Variants in GABRB3 observed in about 807,000 individuals in gnomAD.
The protein encoded by GABRB3 is gamma-aminobutyric acid type A receptor subunit beta3.
GABRB3 carries 14 observed loss-of-function variants against 52.1 expected under a neutral mutation model. That is an observed-to-expected ratio of 0.27 (90% CI 0.18 to 0.42). The LOEUF is 0.42. Ranked by LOEUF, GABRB3 falls within the 10% of genes least tolerant of loss-of-function variation. The pLI, the probability that GABRB3 is intolerant of heterozygous loss-of-function variation, is 1.00. For synonymous variants in GABRB3, 260 were observed against 232.3 expected (o/e 1.12, Z -1.08); for missense variants, 307 against 609.1 (o/e 0.50, Z 5.22).
At chr15:26,581,372 T>C (rs1890781931) in intron 5 of GABRB3, among the ~76,000 whole-genome samples, 1 of 152,114 alleles carries the variant, frequency 6.6e-6, no homozygotes, top group African/African-American at 2.4e-5. Context: ...AGCTGTAGGG[T>C]GGGGAAGAGT....
At chr15:26,653,720 T>C (rs1887273323) in intron 3 of GABRB3, among the ~76,000 whole-genome samples, 1 of 152,334 alleles carries the variant, frequency 6.6e-6, no homozygotes, top group East Asian at 1.9e-4. Context: ...TCAGATCTTT[T>C]TCACCGTCAT....
intron 3 of GABRB3, among the ~76,000 whole-genome samples, chr15:26,735,382 T>C (rs1042714187): frequency 1.4e-4 from 21 of 152,216 alleles, no homozygotes; most frequent in Admixed American, 6.5e-4. Flanking sequence ...GCAGTTCCAC[T>C]TCTGGATAAA....
At chr15:26,577,467 C>T (rs921669594) in intron 6 of GABRB3, among the ~76,000 whole-genome samples, 3 of 152,100 alleles carry the variant, frequency 2.0e-5, no homozygotes, top group Admixed American at 6.5e-5. Context: ...GAGAGGAAAT[C>T]GTGCCACTGC....
chr15:26,586,405 C>CACACACACACAA (rs1167670651), intron 4 of GABRB3, among the ~76,000 whole-genome samples: 1 of 149,586 alleles, frequency 6.7e-6, no homozygotes, highest in Non-Finnish European at 1.5e-5. Context: ...CTAACACACA[C>CACACACACACAA]ACACACACAC....
intron 3 of GABRB3, among the ~76,000 whole-genome samples, chr15:26,638,945 C>T (rs1893125317): frequency 6.6e-6 from 1 of 152,172 alleles, no homozygotes; most frequent in African/African-American, 2.4e-5. Context: ...GGTGCAAGAA[C>T]ACAGTCTTCC....
At chr15:26,597,624 G>A (rs1891442158) in intron 4 of GABRB3, among the ~76,000 whole-genome samples, 1 of 152,178 alleles carries the variant, frequency 6.6e-6, no homozygotes, top group African/African-American at 2.4e-5. Flanking sequence ...AGATGACCAT[G>A]AAGGATACAT....
At chr15:26,741,903 C>A (rs545314524) in intron 3 of GABRB3, among the ~76,000 whole-genome samples, 1 of 152,186 alleles carries the variant, frequency 6.6e-6, no homozygotes, top group South Asian at 2.1e-4. Context: ...AATTGTCTGA[C>A]AGTATTTATG....
At chr15:26,587,113 C>A (rs1595461853) in intron 4 of GABRB3, among the ~76,000 whole-genome samples, 1 of 152,162 alleles carries the variant, frequency 6.6e-6, no homozygotes, top group Admixed American at 6.5e-5. Context: ...AATTATTTCA[C>A]ATTAGATTCA....
At chr15:26,742,789 T>C (rs542380522) in intron 3 of GABRB3, among the ~76,000 whole-genome samples, 1 of 152,318 alleles carries the variant, frequency 6.6e-6, no homozygotes, top group South Asian at 2.1e-4. Flanking sequence ...ATGTATTCTG[T>C]CACATGAACT....
In GABRB3 at chr15:26,568,182, C is replaced by A. The variant is rs572099623; in HGVS notation, c.683-449G>T. On this transcript the variant is annotated intron_variant, in intron 6 of 8. Transcript: ENST00000311550. ...CTGAATACAGATGTTAGAGGCATTG[C>A]CCCTAGAGTGACTGGGCTAGCTCAG... Among the ~76,000 whole-genome samples, 12 of 152,254 alleles carry A rather than the reference C, an allele frequency of 7.9e-5. No individual in the cohort carries two copies. The South Asian group carries it at 2.5e-3, about 32-fold the overall frequency.
At position 26,772,731 on chromosome 15, in the gene GABRB3, A is replaced by G; in HGVS notation, c.122T>C (p.Val41Ala). The G allele has an allele frequency of 6.4e-7, 1 of 1,571,714 alleles. No homozygotes were observed. The highest frequency in any genetic ancestry group is 8.6e-7 in the Non-Finnish European group (1 of 1,158,188). Residue 41 changes from valine to alanine, a missense_variant, in exon 2 of 9, where the codon GTG (valine) becomes GCG (alanine). Physicochemically the swap from Val to Ala is moderately conservative, Grantham distance 64. Around this residue, in one of 6 missense-constraint regions of GABRB3, gnomAD observed 90 missense variants for 86.4 expected, o/e 1.04. Transcript: ENST00000311550. ...PGNMSFVKET[V>A]DKLLKGYDIR... ...GTCGTAGCCTTTCAACAGCTTGTCC[A>G]CCGTCTCCTTCACAAAGGACATGTT...
At chr15:26,554,793 T>C (rs1417275368) in intron 8 of GABRB3, among the ~76,000 whole-genome samples, 3 of 152,190 alleles carry the variant, frequency 2.0e-5, no homozygotes, top group African/African-American at 4.8e-5. Flanking sequence ...ATAAAGCATG[T>C]GCCCCATAAG....
chr15:26,598,875 T>C (rs142686352), intron 4 of GABRB3, among the ~76,000 whole-genome samples: 4 of 152,184 alleles, frequency 2.6e-5, no homozygotes, highest in Non-Finnish European at 5.9e-5. Context: ...ACACCTCATA[T>C]ACTAGCCACA....
chr15:26,554,161 G>GTATA (rs576382653), intron 8 of GABRB3, among the ~76,000 whole-genome samples: 1,839 of 21,158 alleles, frequency 0.087, 222 homozygotes, highest in Middle Eastern at 0.25. Flanking sequence ...TATATATAAA[G>GTATA]TATATATATA....
intron 4 of GABRB3, among the ~76,000 whole-genome samples, chr15:26,601,355 A>G (rs1891580904): frequency 6.6e-6 from 1 of 152,034 alleles, no homozygotes; most frequent in Non-Finnish European, 1.5e-5. Flanking sequence ...GGTGGCAGTG[A>G]GCTGAGATCG....
At chr15:26,730,920 G>T (rs910898002) in intron 3 of GABRB3, among the ~76,000 whole-genome samples, 7 of 152,214 alleles carry the variant, frequency 4.6e-5, no homozygotes, top group African/African-American at 1.7e-4. Flanking sequence ...ACTTATAATA[G>T]AAGCTAACAG....
intron 3 of GABRB3, among the ~76,000 whole-genome samples, chr15:26,721,178 T>C (rs950413215): frequency 6.6e-6 from 1 of 152,142 alleles, no homozygotes; most frequent in Non-Finnish European, 1.5e-5. Context: ...GAACCTCCTG[T>C]AGGAGTCCAG....
intron 6 of GABRB3, among the ~76,000 whole-genome samples, chr15:26,574,495 C>T (rs1379030923): frequency 1.3e-5 from 2 of 151,948 alleles, no homozygotes; most frequent in Non-Finnish European, 2.9e-5. Flanking sequence ...GCTAGTAGCC[C>T]AAAGGGAAGA....
intron 3 of GABRB3, among the ~76,000 whole-genome samples, chr15:26,700,673 T>A (rs1337874446): frequency 6.6e-6 from 1 of 150,954 alleles, no homozygotes; most frequent in Non-Finnish European, 1.5e-5. Flanking sequence ...AGTCAATCAA[T>A]GTAATTCAAC....
Sources: allele counts gnomAD v4.1 joint callset (sites outside exome capture counted in the v4.1 genomes callset), GRCh38; gene constraint gnomAD v4.1.1; regional missense constraint gnomAD v4.1.1; transcripts MANE v1.5; gene names NCBI Gene and HGNC (gene_info 2026-07-23, HGNC 2026-07-21).